Variants in RABGAP1L observed in about 807,000 individuals in gnomAD.
RABGAP1L encodes RAB GTPase activating protein 1 like, also known as rab GTPase-activating protein 1-like.
Under a neutral mutation model 137.7 loss-of-function variants are expected in RABGAP1L, and 63 were observed. That is an observed-to-expected ratio of 0.46 (90% CI 0.37 to 0.56). The LOEUF (loss-of-function observed/expected upper bound fraction) is 0.56. RABGAP1L is among the 20% of genes least tolerant of loss of function. The pLI, the probability that RABGAP1L is intolerant of heterozygous loss-of-function variation, is 0.00. For synonymous variants in RABGAP1L, 431 were observed against 433.7 expected (o/e 0.99, Z 0.08); for missense variants, 1,095 against 1,244.0 (o/e 0.88, Z 1.80).
intron 11 of RABGAP1L, among the ~76,000 whole-genome samples, chr1:174,366,036 C>A (rs1403919512): frequency 6.6e-6 from 1 of 151,926 alleles, no homozygotes; most frequent in Non-Finnish European, 1.5e-5. Context: ...GTGACAAATA[C>A]CAGTATATTT....
intron 19 of RABGAP1L, among the ~76,000 whole-genome samples, chr1:174,922,644 C>T (rs571651188): frequency 6.6e-6 from 1 of 152,278 alleles, no homozygotes; most frequent in South Asian, 2.1e-4. Context: ...TTCATGGTCT[C>T]CTCTATCTGA....
intron 4 of RABGAP1L, among the ~76,000 whole-genome samples, chr1:174,232,962 G>T (rs1670810154): frequency 6.6e-6 from 1 of 151,968 alleles, no homozygotes; most frequent in Admixed American, 6.6e-5. Context: ...ATAGACTGGT[G>T]GTTTACATAC....
At chr1:174,679,617 G>T (rs1047424373) in intron 14 of RABGAP1L, among the ~76,000 whole-genome samples, 2 of 152,114 alleles carry the variant, frequency 1.3e-5, no homozygotes, top group African/African-American at 4.8e-5. Flanking sequence ...AGAAAAGAAG[G>T]CATATGGCCA....
chr1:174,181,040 T>C (rs73034906), intron 1 of RABGAP1L, among the ~76,000 whole-genome samples: 3,892 of 152,288 alleles, frequency 0.026, 186 homozygotes, highest in African/African-American at 0.09. Context: ...CTATATGATA[T>C]GGTTTATAAG....
chr1:174,864,925 C>T (rs967774864), intron 19 of RABGAP1L, among the ~76,000 whole-genome samples: 7 of 152,060 alleles, frequency 4.6e-5, no homozygotes, highest in African/African-American at 1.2e-4. Context: ...GAGACCAGCC[C>T]GGACAACATT....
At chr1:174,922,328 C>A in intron 19 of RABGAP1L, 1 of 193,242 alleles carries the variant, frequency 5.2e-6, no homozygotes, top group South Asian at 1.1e-4. Context: ...TGATGAACTT[C>A]TTAAAATGGC....
intron 11 of RABGAP1L, among the ~76,000 whole-genome samples, chr1:174,316,203 G>T (rs1679362859): frequency 6.6e-6 from 1 of 152,050 alleles, no homozygotes; most frequent in South Asian, 2.1e-4. Context: ...TCTTTCTGAA[G>T]TTTCACATAT....
intron 11 of RABGAP1L, among the ~76,000 whole-genome samples, chr1:174,307,698 A>C (rs1351112127): frequency 2.0e-5 from 3 of 152,116 alleles, no homozygotes; most frequent in Admixed American, 2.0e-4. Context: ...GATAAAGCAC[A>C]TTTTGTTTAT....
chr1:174,602,069 A>G (rs564272668), intron 13 of RABGAP1L, among the ~76,000 whole-genome samples: 1 of 152,202 alleles, frequency 6.6e-6, no homozygotes, highest in African/African-American at 2.4e-5. Flanking sequence ...TTCTGAGCCC[A>G]CCAAACTGTT....
intron 17 of RABGAP1L, 29 bp from the exon 18 acceptor site, chr1:174,752,284 C>T (rs375993332): frequency 2.1e-5 from 32 of 1,526,010 alleles, no homozygotes; most frequent in Non-Finnish European, 1.2e-5. Context: ...TGTGGCAGTA[C>T]TAATCTTCAC....
At chr1:174,327,911 G>A (rs770866730) in intron 11 of RABGAP1L, among the ~76,000 whole-genome samples, 2 of 143,158 alleles carry the variant, frequency 1.4e-5, no homozygotes, top group Non-Finnish European at 3.0e-5. Context: ...GGGCCATTAT[G>A]TAATGTTAAA....
At chr1:174,952,113 G>A (rs1558274119) in intron 19 of RABGAP1L, among the ~76,000 whole-genome samples, 4 of 151,990 alleles carry the variant, frequency 2.6e-5, no homozygotes, top group South Asian at 4.2e-4. Context: ...ATTATGATCC[G>A]AAGTTTAAGA....
chr1:174,348,873 CG>C (rs1682713467), intron 11 of RABGAP1L, among the ~76,000 whole-genome samples: 1 of 152,226 alleles, frequency 6.6e-6, no homozygotes, highest in African/African-American at 2.4e-5. Context: ...TACACAGACA[CG>C]GCAACCATCC....
intron 13 of RABGAP1L, among the ~76,000 whole-genome samples, chr1:174,404,754 G>A (rs1463143313): frequency 6.6e-6 from 1 of 152,102 alleles, no homozygotes; most frequent in Non-Finnish European, 1.5e-5. Flanking sequence ...CAAAGAGGCA[G>A]CACTGTTTTA....
intron 6 of RABGAP1L, 25 bp downstream of exon 6, chr1:174,250,657 A>G (rs1672640715): frequency 6.2e-7 from 1 of 1,604,768 alleles, no homozygotes; most frequent in African/African-American, 1.3e-5. Context: ...AAGATTAAAA[A>G]TTCGCATTGT....
intron 12 of RABGAP1L, among the ~76,000 whole-genome samples, chr1:174,387,440 A>G (rs181436986): frequency 1.3e-5 from 2 of 152,316 alleles, no homozygotes; most frequent in Admixed American, 6.5e-5. Flanking sequence ...TTTTGAATGT[A>G]CACAGAAATA....
At chr1:174,967,954 G>T (rs2149361764) in intron 20 of RABGAP1L, among the ~76,000 whole-genome samples, 1 of 148,720 alleles carries the variant, frequency 6.7e-6, no homozygotes, top group South Asian at 2.1e-4. Context: ...AGACAGAAAT[G>T]GGCCCTGGTG....
chr1:174,718,343 C>G (rs1160205158), intron 17 of RABGAP1L, among the ~76,000 whole-genome samples: 1 of 152,178 alleles, frequency 6.6e-6, no homozygotes, highest in Non-Finnish European at 1.5e-5. Flanking sequence ...TCTCCTCTGC[C>G]AGAATGCTCA....
chr1:174,610,516 C>T (rs1030649489), intron 13 of RABGAP1L, among the ~76,000 whole-genome samples: 5 of 152,026 alleles, frequency 3.3e-5, no homozygotes, highest in African/African-American at 9.7e-5. Flanking sequence ...AATAAACATA[C>T]GTGTGCACGT....
Sources: allele counts gnomAD v4.1 joint callset (sites outside exome capture counted in the v4.1 genomes callset), GRCh38; gene constraint gnomAD v4.1.1; transcripts MANE v1.5; gene names NCBI Gene and HGNC (gene_info 2026-07-23, HGNC 2026-07-21).